The following CFAP53 variants were observed in gnomAD, a reference collection of about 807,000 sequenced individuals.
The protein encoded by CFAP53 is cilia and flagella associated protein 53, also known as cilia- and flagella-associated protein 53.
Under a neutral mutation model 59.7 loss-of-function variants are expected in CFAP53, and 62 were observed. That is an observed-to-expected ratio of 1.04 (90% CI 0.85 to 1.28). The LOEUF (loss-of-function observed/expected upper bound fraction) is 1.28, where lower values mean the gene tolerates loss of function less well. Ranked by LOEUF, CFAP53 falls within the 50% of genes most tolerant of loss-of-function variation. CFAP53 has a pLI of 0.00. For synonymous variants in CFAP53, 218 were observed against 205.7 expected (o/e 1.06, Z -0.51); for missense variants, 629 against 615.6 (o/e 1.02, Z -0.23).
At position 50,227,451 on chromosome 18, in the gene CFAP53, G is replaced by A. The variant is rs371913662; in HGVS notation, c.1475C>T (p.Ser492Phe). 15 of 1,614,050 alleles carry A rather than the reference G, an allele frequency of 9.3e-6. No individual in the cohort carries two copies. The African/African-American group carries it at 2.0e-4, about 22-fold the overall frequency. The stretch of plus-strand genomic sequence containing the variant: ...GTTTTGAGGCAGCACTTGATGGGTG[G>A]ACAGGACCTCCTGGACCTTGTCCAA... ...MCLDKVQEVLSTHQVLPQNIH... is the reference protein window; with the variant it reads ...MCLDKVQEVLFTHQVLPQNIH... Residue 492 changes from serine (S) to phenylalanine (F), a missense_variant, in exon 8 of 8, where the codon TCC becomes TTC. By Grantham distance (155) the Ser-to-Phe change is radical (BLOSUM62 -2). Coordinates refer to ENST00000398545, the MANE Select transcript of CFAP53 (RefSeq NM_145020.5).
In CFAP53 at chr18:50,227,254, A is replaced by G; in HGVS notation, c.*127T>C. On this transcript the variant is annotated 3_prime_UTR_variant, in exon 8 of 8. Coordinates refer to ENST00000398545, the MANE Select transcript of CFAP53 (RefSeq NM_145020.5). ...CAGGTTTATTCAAAGGAAGAAAATT[A>G]TGTTCAATTAATTACACAAACTCAG... 1.4e-6 allele frequency: 1 copy of G among 713,178 alleles called. No homozygotes were observed. The highest frequency in any genetic ancestry group is 2.3e-6 in the Non-Finnish European group (1 of 435,704). The allele number at this position is 713,178 out of a possible 1,614,324, so 44.2% of individuals were successfully genotyped here.
At chr18:50,233,085 T>G (rs527987590) in intron 7 of CFAP53, among the ~76,000 whole-genome samples, 1 of 152,306 alleles carries the variant, frequency 6.6e-6, no homozygotes, top group African/African-American at 2.4e-5. Flanking sequence ...AAGTGAAGTC[T>G]TCTATAGCTC....
chr18:50,243,868 C>T (rs771956617), intron 5 of CFAP53, among the ~76,000 whole-genome samples: 22 of 151,700 alleles, frequency 1.5e-4, no homozygotes, highest in African/African-American at 3.9e-4. Context: ...AGGAGAATGG[C>T]GTGAACCCAG....
At chr18:50,235,431 G>A (rs955832371) in intron 7 of CFAP53, among the ~76,000 whole-genome samples, 2 of 152,106 alleles carry the variant, frequency 1.3e-5, no homozygotes, top group Non-Finnish European at 2.9e-5. Context: ...GCTGGGCGTG[G>A]TGGCATGCGC....
rs371877502 is a variant in CFAP53 at position 50,266,349 on chromosome 18, T to C, written c.56A>G (p.Lys19Arg). The change falls in exon 1 of 8, where the codon AAA (lysine) becomes AGA (arginine). Residue 19 changes from lysine (K) to arginine (R), a missense_variant. Coordinates refer to ENST00000398545, the MANE Select transcript of CFAP53 (RefSeq NM_145020.5). ...TCCTGTGCTTACCACGATCACCACT[T>C]TGGGGGTGGGGCCCTTAACCTCCCG... Reference protein sequence around the residue: ...VQREVKGPTPKVVIVRSKPPK... With the variant: ...VQREVKGPTPRVVIVRSKPPK... 2.5e-6 allele frequency: 4 copies of C among 1,614,200 alleles called. No homozygotes were observed. In the South Asian group the frequency reaches 4.4e-5, roughly 18 times the overall value.
chr18:50,266,273 C>T, intron 1 of CFAP53, 63 bp downstream of exon 1: 3 of 1,536,980 alleles, frequency 2.0e-6, no homozygotes, highest in Non-Finnish European at 2.7e-6. Context: ...TGGGATAGGC[C>T]AGGCCTGGAG....
Position 50,238,645 on chromosome 18 carries a change from C to G in CFAP53, c.1274G>C (p.Ser425Thr). 8 of 1,611,964 alleles carry G rather than the reference C, an allele frequency of 5.0e-6. No individual in the cohort carries two copies. The highest frequency in any genetic ancestry group is 6.8e-6 in the Non-Finnish European group (8 of 1,179,102). Reference sequence around the variant, plus strand: ...CTCTTCACAGTTAAGTTCTTTAAGACTTTCATTTATGTGTTTCTGTTCCAT... The same window carrying G: ...CTCTTCACAGTTAAGTTCTTTAAGAGTTTCATTTATGTGTTTCTGTTCCAT... ...RAMEQKHINESLKELNCEEKE... is the reference protein window; with the variant it reads ...RAMEQKHINETLKELNCEEKE... The change falls in exon 7 of 8, where the codon AGT becomes ACT. Residue 425 changes from serine (S) to threonine (T), a missense_variant. By Grantham distance (58) the Ser-to-Thr change is moderately conservative. Coordinates refer to ENST00000398545, the MANE Select transcript of CFAP53 (RefSeq NM_145020.5).
At chr18:50,263,893 C>T (rs2033915708) in intron 1 of CFAP53, among the ~76,000 whole-genome samples, 3 of 152,320 alleles carry the variant, frequency 2.0e-5, no homozygotes, top group Admixed American at 2.0e-4. Context: ...GGACTCTGGT[C>T]TGGGAAGGAC....
chr18:50,255,470 G>A (rs1007096205), intron 3 of CFAP53, among the ~76,000 whole-genome samples: 2 of 151,854 alleles, frequency 1.3e-5, no homozygotes, highest in African/African-American at 4.8e-5. Context: ...TTACAATTAT[G>A]TAAGATATAA....
chr18:50,259,524 A>G (rs1372030413), intron 3 of CFAP53, among the ~76,000 whole-genome samples: 1 of 152,048 alleles, frequency 6.6e-6, no homozygotes, highest in East Asian at 1.9e-4. Context: ...GAATGAATGA[A>G]TAAGACCTAC....
chr18:50,233,196 C>T (rs1446415092), intron 7 of CFAP53, among the ~76,000 whole-genome samples: 1 of 151,958 alleles, frequency 6.6e-6, no homozygotes, highest in Non-Finnish European at 1.5e-5. Flanking sequence ...ATGCAAACAT[C>T]GAAAACTCAT....
At chr18:50,259,020 A>T (rs956249263) in intron 3 of CFAP53, among the ~76,000 whole-genome samples, 1 of 152,178 alleles carries the variant, frequency 6.6e-6, no homozygotes, top group Non-Finnish European at 1.5e-5. Context: ...ATGTAATACA[A>T]CCACTATGGA....
chr18:50,246,450 A>T (rs2033746003), intron 5 of CFAP53, among the ~76,000 whole-genome samples: 1 of 152,262 alleles, frequency 6.6e-6, no homozygotes, highest in African/African-American at 2.4e-5. Flanking sequence ...TAGGATCCTT[A>T]TCTCATGCCA....
At chr18:50,237,045 G>A (rs1387511814) in intron 7 of CFAP53, among the ~76,000 whole-genome samples, 2 of 151,440 alleles carry the variant, frequency 1.3e-5, no homozygotes, top group African/African-American at 4.9e-5. Flanking sequence ...AGTGGCTCAC[G>A]CCTGTAATCC....
At chr18:50,252,541 C>T (rs1206226931) in intron 3 of CFAP53, among the ~76,000 whole-genome samples, 1 of 152,152 alleles carries the variant, frequency 6.6e-6, no homozygotes, top group Non-Finnish European at 1.5e-5. Context: ...GTAGCTGAGA[C>T]TATAAGCACA....
At chr18:50,242,173 CT>C (rs1447887184) in intron 6 of CFAP53, among the ~76,000 whole-genome samples, 1 of 152,152 alleles carries the variant, frequency 6.6e-6, no homozygotes, top group African/African-American at 2.4e-5. Context: ...CTGAAAATTG[CT>C]GTTATTCTGT....
At chr18:50,243,518 T>C (rs961800123) in intron 5 of CFAP53, among the ~76,000 whole-genome samples, 4 of 152,272 alleles carry the variant, frequency 2.6e-5, no homozygotes, top group Non-Finnish European at 4.4e-5. Context: ...AATTTAGGTA[T>C]ATGAAATCCT....
intron 6 of CFAP53, 152 bp downstream of exon 6, chr18:50,242,748 G>C: frequency 1.5e-6 from 1 of 660,226 alleles, no homozygotes; most frequent in Non-Finnish European, 2.6e-6. Flanking sequence ...TATCCAATTA[G>C]ATAAGATTTG....
At chr18:50,265,910 T>C (rs1256940557) in intron 1 of CFAP53, among the ~76,000 whole-genome samples, 1 of 152,190 alleles carries the variant, frequency 6.6e-6, no homozygotes, top group African/African-American at 2.4e-5. Flanking sequence ...ACGATTTTCC[T>C]AGGAGTGAAA....
Sources: allele counts gnomAD v4.1 joint callset (sites outside exome capture counted in the v4.1 genomes callset), GRCh38; gene constraint gnomAD v4.1.1; transcripts MANE v1.5; gene names NCBI Gene and HGNC (gene_info 2026-07-23, HGNC 2026-07-21).